The following KIF13B variants were observed in gnomAD, a reference collection of about 807,000 sequenced individuals.
The protein encoded by KIF13B is kinesin-like protein KIF13B.
A neutral mutation model predicts 222.0 loss-of-function variants in KIF13B; 127 were observed. The ratio of observed to expected loss-of-function variants is 0.57; its 90% CI spans 0.50 to 0.66. The LOEUF (loss-of-function observed/expected upper bound fraction) is 0.66. KIF13B is among the 30% of genes least tolerant of loss of function. KIF13B has a pLI of 0.00. For missense variants in KIF13B, 2,173 were observed against 2,379.0 expected, an observed-to-expected ratio of 0.91 and a Z score of 1.80; for synonymous variants, 976 against 919.0, an observed-to-expected ratio of 1.06 and a Z score of -1.12.
intron 2 of KIF13B, chr8:29,219,465 T>C (rs1035894534): frequency 3.3e-5 from 5 of 151,798 alleles, no homozygotes; most frequent in Admixed American, 3.3e-4. Flanking sequence ...GAAAAGAAAA[T>C]GAAGATGATG....
intron 36 of KIF13B, among the ~76,000 whole-genome samples, chr8:29,096,228 C>G (rs1367309914): frequency 6.6e-6 from 1 of 151,880 alleles, no homozygotes; most frequent in Non-Finnish European, 1.5e-5. Flanking sequence ...GGTGATCCCC[C>G]CTGCCTTGGC....
At chr8:29,160,238 ACTCT>A (rs900718330) in intron 13 of KIF13B, among the ~76,000 whole-genome samples, 49 of 151,874 alleles carry the variant, frequency 3.2e-4, no homozygotes, top group African/African-American at 1.0e-3. Flanking sequence ...AATAACCTAT[ACTCT>A]CTCTCTTTTA....
At chr8:29,248,258 A>C (rs986395616) in intron 1 of KIF13B, among the ~76,000 whole-genome samples, 9 of 152,242 alleles carry the variant, frequency 5.9e-5, no homozygotes, top group African/African-American at 1.4e-4. Context: ...TTGGATACTC[A>C]TAACAGCCAA....
chr8:29,079,460 C>T (rs973336379), intron 37 of KIF13B, among the ~76,000 whole-genome samples: 3 of 152,228 alleles, frequency 2.0e-5, no homozygotes, highest in Non-Finnish European at 4.4e-5. Context: ...GACTACAGCT[C>T]ATTCATCCCT....
chr8:29,174,027 T>C (rs1473820556), intron 10 of KIF13B, among the ~76,000 whole-genome samples: 3 of 152,148 alleles, frequency 2.0e-5, no homozygotes, highest in Non-Finnish European at 2.9e-5. Flanking sequence ...TAGAGCACGT[T>C]TGATATATGT....
chr8:29,126,999 C>T, intron 25 of KIF13B, 123 bp downstream of exon 25: 1 of 878,054 alleles, frequency 1.1e-6, no homozygotes, highest in Non-Finnish European at 1.7e-6. Flanking sequence ...AAAAAGACAG[C>T]AAAGGTAAAC....
Position 29,147,405 on chromosome 8 carries a change from A to G in KIF13B, c.2011T>C (p.Trp671Arg). ...TGTGCCGCCTACCTCTCCTCAGCCCACTGTCTTAAGCGTTGCTGAGCGCTG... is the reference window on the plus strand; with the variant it reads ...TGTGCCGCCTACCTCTCCTCAGCCCGCTGTCTTAAGCGTTGCTGAGCGCTG... The part of the protein sequence containing the change: ...SPSAQQRLRQ[W>R]AEEREATLNN... The change falls in exon 17 of 40, where the codon TGG becomes CGG. Residue 671 changes from tryptophan to arginine, a missense_variant. This residue lies in a region of KIF13B where 1,480 missense variants were observed against 1,722.8 expected (regional missense o/e 0.86). Transcript: ENST00000524189. 3.7e-6 allele frequency: 6 copies of G among 1,605,564 alleles called. No homozygotes were observed. Among genetic ancestry groups the G allele is most frequent in the East Asian group, 2.2e-5 (1 of 44,648 alleles).
Position 29,263,020 on chromosome 8 carries a change from T to G in KIF13B, c.15A>C (p.Lys5Asn). 6.3e-7 allele frequency: 1 copy of G among 1,598,688 alleles called. No homozygotes were observed. The highest frequency in any genetic ancestry group is 8.5e-7 in the Non-Finnish European group (1 of 1,173,894). ...GTCGTATCCGCACCGCCACTTTCACTTTGGAGTCCCCCATCCTGCAGCCGC... is the reference window on the plus strand; with the variant it reads ...GTCGTATCCGCACCGCCACTTTCACGTTGGAGTCCCCCATCCTGCAGCCGC... MGDS[K>N]VKVAVRIRPM... The change falls in exon 1 of 40, where the codon AAA (lysine) becomes AAC (asparagine). Residue 5 changes from lysine to asparagine, a missense_variant. By Grantham distance (94) the Lys-to-Asn change is moderately conservative. Coordinates refer to ENST00000524189, the MANE Select transcript of KIF13B (RefSeq NM_015254.4).
At chr8:29,245,914 A>G (rs1815999521) in intron 1 of KIF13B, among the ~76,000 whole-genome samples, 1 of 152,268 alleles carries the variant, frequency 6.6e-6, no homozygotes, top group Non-Finnish European at 1.5e-5. Flanking sequence ...GAAATTAAGA[A>G]AACAATTTCA....
chr8:29,179,641 G>C (rs991888122), intron 8 of KIF13B, among the ~76,000 whole-genome samples: 2 of 152,224 alleles, frequency 1.3e-5, no homozygotes, highest in Non-Finnish European at 2.9e-5. Flanking sequence ...GAGGCTGCCT[G>C]CTGCCCCTTT....
At chr8:29,189,836 T>G (rs1294267055) in intron 4 of KIF13B, 2 of 152,236 alleles carry the variant, frequency 1.3e-5, no homozygotes, top group Admixed American at 1.3e-4. Context: ...GGCGTGTGAA[T>G]GTGGAATAGC....
intron 2 of KIF13B, among the ~76,000 whole-genome samples, chr8:29,208,359 G>A (rs886779020): frequency 2.0e-5 from 3 of 152,072 alleles, no homozygotes; most frequent in African/African-American, 4.8e-5. Context: ...TACTCCATAC[G>A]GATTAATGCT....
At chr8:29,137,505 A>T (rs13251954) in intron 21 of KIF13B, among the ~76,000 whole-genome samples, 453 of 152,208 alleles carry the variant, frequency 3.0e-3, no homozygotes, top group African/African-American at 0.01. Flanking sequence ...CAGTGAAAAC[A>T]TGGAGATGTT....
chr8:29,211,749 A>T (rs1390587733), intron 2 of KIF13B, among the ~76,000 whole-genome samples: 3 of 152,246 alleles, frequency 2.0e-5, no homozygotes, highest in African/African-American at 7.2e-5. Context: ...CACAGAGGAA[A>T]GATCTCCTTA....
intron 18 of KIF13B, among the ~76,000 whole-genome samples, chr8:29,144,186 C>T (rs1810950259): frequency 6.6e-6 from 1 of 152,032 alleles, no homozygotes; most frequent in Admixed American, 6.5e-5. Context: ...AACATCTTGC[C>T]TACAATCATT....
intron 2 of KIF13B, among the ~76,000 whole-genome samples, chr8:29,235,721 T>C (rs1222605274): frequency 1.3e-5 from 2 of 152,194 alleles, no homozygotes; most frequent in East Asian, 3.9e-4. Flanking sequence ...CGTAGTGGCA[T>C]TTCTCAATGA....
intron 36 of KIF13B, among the ~76,000 whole-genome samples, chr8:29,096,129 C>T (rs1808515431): frequency 6.6e-6 from 1 of 150,982 alleles, no homozygotes; most frequent in Non-Finnish European, 1.5e-5. Flanking sequence ...CTACAGGTAC[C>T]TGCCACCACA....
chr8:29,083,747 T>A (rs532482237), intron 37 of KIF13B, among the ~76,000 whole-genome samples: 31 of 152,250 alleles, frequency 2.0e-4, no homozygotes, highest in South Asian at 1.7e-3. Context: ...AATTTTTTTT[T>A]AAAAACTCTT....
intron 37 of KIF13B, among the ~76,000 whole-genome samples, chr8:29,078,608 C>T (rs532794106): frequency 7.2e-5 from 11 of 152,186 alleles, no homozygotes; most frequent in Non-Finnish European, 1.6e-4. Flanking sequence ...TTAATCCTTA[C>T]AACACATCTG....
Sources: gnomAD v4.1 joint callset for allele counts (sites outside exome capture counted in the v4.1 genomes callset) on GRCh38, gnomAD v4.1.1 for gene constraint, gnomAD v4.1.1 regional missense constraint, MANE v1.5 for transcripts, NCBI Gene and HGNC (gene_info 2026-07-23, HGNC 2026-07-21) for gene names.